ADGRG2: variants seen among roughly 807,000 people sequenced by gnomAD.
ADGRG2 encodes G protein-coupled receptor 64.
A neutral mutation model predicts 74.1 loss-of-function variants in ADGRG2; 26 were observed. That is an observed-to-expected ratio of 0.35 (90% CI 0.26 to 0.49). The LOEUF (loss-of-function observed/expected upper bound fraction) is 0.49. Among genes scored for constraint, ADGRG2 ranks in the 20% least tolerant of loss-of-function variants. The pLI is 0.99. For synonymous variants in ADGRG2, 296 were observed against 295.2 expected, an observed-to-expected ratio of 1.00 and a Z score of -0.03; for missense variants, 619 against 763.1, an observed-to-expected ratio of 0.81 and a Z score of 2.22.
At chrX:18,991,153 T>C (rs1451094797) in intron 28 of ADGRG2, 105 bp from the exon 29 acceptor site, 2 of 419,895 alleles carry the variant, frequency 4.8e-6, no homozygotes, top group African/African-American at 2.5e-5. Flanking sequence ...ATTTGTAAAA[T>C]ATGTTTTTAA....
intron 1 of ADGRG2, among the ~76,000 whole-genome samples, chrX:19,117,749 G>A (rs1482682174): frequency 9.0e-6 from 1 of 110,705 alleles, no homozygotes; most frequent in Non-Finnish European, 1.9e-5. Context: ...CCCAGGAGGC[G>A]GAGGTTGCAG....
At chrX:19,082,995 G>GTGTTT (rs766490497) in intron 1 of ADGRG2, among the ~76,000 whole-genome samples, 71 of 110,089 alleles carry the variant, frequency 6.4e-4, no homozygotes, top group South Asian at 2.4e-3. Context: ...TCTTGTTAAT[G>GTGTTT]TGTTTTGTTT....
Position 18,990,934 on chromosome X carries a change from T to C in ADGRG2, c.2984A>G (p.Asn995Ser). Residue 995 changes from asparagine (N) to serine (S), a missense_variant, in exon 29 of 29, where the codon AAT (asparagine) becomes AGT (serine). Physicochemically the swap from Asn to Ser is conservative, Grantham distance 46 (BLOSUM62 1). Around this residue, in one of 3 missense-constraint regions of ADGRG2, gnomAD observed 106 missense variants for 104.5 expected, o/e 1.01. Coordinates refer to ENST00000379869, the MANE Select transcript of ADGRG2 (RefSeq NM_001079858.3). ...HMFNEKEDSC[N>S]GKGRMALRRT... ...TCTGAGAGCCATACGGCCTTTCCCA[T>C]TGCAGGAATCTTCCTTCTCGTTAAA... 1 of 1,206,817 alleles carries C rather than the reference T, an allele frequency of 8.3e-7. No homozygotes were observed. Among genetic ancestry groups the C allele is most frequent in the Non-Finnish European group, 1.1e-6 (1 of 891,070 alleles).
At chrX:19,083,172 T>TG (rs1381762144) in intron 1 of ADGRG2, among the ~76,000 whole-genome samples, 1 of 86,886 alleles carries the variant, frequency 1.2e-5, no homozygotes. Flanking sequence ...CCCGGCTAAT[T>TG]TTTTTTTTTT....
At chrX:19,073,625 T>C (rs1262690899) in intron 2 of ADGRG2, among the ~76,000 whole-genome samples, 1 of 112,021 alleles carries the variant, frequency 8.9e-6, no homozygotes, top group Non-Finnish European at 1.9e-5. Flanking sequence ...CAGTGCAACC[T>C]GTTATGCCAA....
At chrX:19,115,011 G>T (rs141485877) in intron 1 of ADGRG2, among the ~76,000 whole-genome samples, 5,053 of 111,689 alleles carry the variant, frequency 0.045, 257 homozygotes, top group African/African-American at 0.15. Flanking sequence ...AGCAATAAGG[G>T]TAGTAACTGC....
At chrX:19,086,598 C>T (rs1213971704) in intron 1 of ADGRG2, among the ~76,000 whole-genome samples, 2 of 111,491 alleles carry the variant, frequency 1.8e-5, no homozygotes, top group Non-Finnish European at 3.8e-5. Flanking sequence ...AGGGAGGCTG[C>T]GTCCAAGAGT....
intron 3 of ADGRG2, among the ~76,000 whole-genome samples, chrX:19,061,659 T>C (rs1002955157): frequency 4.5e-5 from 5 of 112,345 alleles, no homozygotes; most frequent in Admixed American, 9.4e-5. Context: ...TCCAGAAATA[T>C]AGGAAAGAGA....
In ADGRG2 at chrX:19,006,053, C is replaced by A; in HGVS notation, c.1788G>T (p.Leu596Phe). The A allele has an allele frequency of 8.3e-7, 1 of 1,209,496 alleles. No homozygotes were observed. The highest frequency in any genetic ancestry group is 3.0e-5 in the East Asian group (1 of 33,822). Residue 596 changes from leucine to phenylalanine, a missense_variant, in exon 22 of 29, where the codon TTG (leucine) becomes TTT (phenylalanine). Coordinates refer to ENST00000379869, the MANE Select transcript of ADGRG2 (RefSeq NM_001079858.3). ...GGCTACAGGTACAGATGGTTTCATT[C>A]AATCTCCTGTCTTTGACAGAGCAGC... Reference protein sequence around the residue: ...DNGCSVKDRRLNETICTCSHL... With the variant: ...DNGCSVKDRRFNETICTCSHL...
chrX:19,082,212 G>A (rs1430006896), intron 2 of ADGRG2, among the ~76,000 whole-genome samples: 2 of 111,192 alleles, frequency 1.8e-5, no homozygotes, highest in Non-Finnish European at 3.8e-5. Context: ...TGGTTGGAAG[G>A]ATCCTTTGAC....
Position 19,009,755 on chromosome X carries a change from G to A in ADGRG2, c.1293C>T (p.Gly431=). 1 of 1,198,620 alleles carries A rather than the reference G, an allele frequency of 8.3e-7. No individual in the cohort carries two copies. Among genetic ancestry groups the A allele is most frequent in the East Asian group, 3.0e-5 (1 of 33,793 alleles). ...QRLLKVVDDI[G]LQLNFSNTTI... is the part of the protein sequence containing the mutation. ...TCGTGTTTGAAAAGTTCAGCTGTAG[G>A]CCAATGTCATCCACTACTTTCAGCA... Residue 431 remains glycine, a synonymous_variant, in exon 18 of 29, where the codon GGC becomes GGT. Coordinates refer to ENST00000379869, the MANE Select transcript of ADGRG2 (RefSeq NM_001079858.3).
intron 1 of ADGRG2, among the ~76,000 whole-genome samples, chrX:19,094,482 T>C (rs1468246467): frequency 4.5e-5 from 5 of 110,930 alleles, no homozygotes; most frequent in Non-Finnish European, 9.5e-5. Context: ...TGGGAAGGCC[T>C]GCTGTTAACT....
At chrX:19,108,053 C>T (rs1166054419) in intron 1 of ADGRG2, among the ~76,000 whole-genome samples, 2 of 101,555 alleles carry the variant, frequency 2.0e-5, no homozygotes, top group Middle Eastern at 5.0e-3. Context: ...GAGCCGAGAT[C>T]GCGCCACTGC....
At chrX:19,016,772 C>T (rs2060480124) in intron 15 of ADGRG2, among the ~76,000 whole-genome samples, 1 of 98,266 alleles carries the variant, frequency 1.0e-5, no homozygotes, top group Admixed American at 1.2e-4. Context: ...ATCACCCAGG[C>T]TGGAATGCAG....
chrX:19,038,782 T>A (rs925509107), intron 4 of ADGRG2, among the ~76,000 whole-genome samples: 1 of 111,529 alleles, frequency 9.0e-6, no homozygotes. Flanking sequence ...ACCCAGTGTG[T>A]CCCCCCAGAG....
chrX:19,098,385 A>G (rs1035104388), intron 1 of ADGRG2, among the ~76,000 whole-genome samples: 5 of 112,069 alleles, frequency 4.5e-5, no homozygotes, highest in Non-Finnish European at 7.5e-5. Context: ...AGGTGGGGTA[A>G]AATTGCTGTA....
At chrX:18,998,889 A>T in intron 26 of ADGRG2, 107 bp downstream of exon 26, 1 of 651,987 alleles carries the variant, frequency 1.5e-6, no homozygotes, top group South Asian at 2.8e-5. Flanking sequence ...GTAGTGGTCT[A>T]GAACCAAACC....
chrX:18,993,761 A>G (rs2059967281), intron 28 of ADGRG2, among the ~76,000 whole-genome samples: 1 of 111,333 alleles, frequency 9.0e-6, no homozygotes, highest in Non-Finnish European at 1.9e-5. Context: ...TGGTAGATGT[A>G]TGAACCTTCT....
chrX:19,014,805 G>A (rs1010931308), intron 15 of ADGRG2, among the ~76,000 whole-genome samples: 3 of 111,200 alleles, frequency 2.7e-5, no homozygotes, highest in African/African-American at 9.8e-5. Context: ...GCTACTTTTT[G>A]TATTTTTAGT....
Sources: allele counts gnomAD v4.1 joint callset (sites outside exome capture counted in the v4.1 genomes callset), GRCh38; gene constraint gnomAD v4.1.1; regional missense constraint gnomAD v4.1.1; transcripts MANE v1.5; gene names NCBI Gene and HGNC (gene_info 2026-07-23, HGNC 2026-07-21).